The following PTPRT variants were observed in gnomAD, a reference collection of about 807,000 sequenced individuals.
PTPRT encodes the protein receptor-type tyrosine-protein phosphatase T.
Under a neutral mutation model 176.8 loss-of-function variants are expected in PTPRT, and 56 were observed. The observed-to-expected ratio is 0.32, with a 90% CI of 0.26 to 0.40. The LOEUF is 0.40. Ranked by LOEUF, PTPRT falls within the 10% of genes least tolerant of loss-of-function variation. PTPRT has a pLI of 1.00. For missense variants in PTPRT, 1,540 were observed against 1,908.2 expected, an observed-to-expected ratio of 0.81 and a Z score of 3.60; for synonymous variants, 783 against 739.0, an observed-to-expected ratio of 1.06 and a Z score of -0.96.
chr20:43,073,904 C>T (rs2011217456), intron 1 of PTPRT, among the ~76,000 whole-genome samples: 1 of 151,976 alleles, frequency 6.6e-6, no homozygotes, highest in Non-Finnish European at 1.5e-5. Flanking sequence ...GCATATGTCA[C>T]CAGGCCCAGC....
intron 1 of PTPRT, among the ~76,000 whole-genome samples, chr20:43,154,799 A>T (rs1019993611): frequency 6.6e-6 from 1 of 152,188 alleles, no homozygotes; most frequent in African/African-American, 2.4e-5. Context: ...TGCAAACTGT[A>T]CATCTGATAA....
rs1188417348 is a variant in PTPRT, at chr20:42,493,195, T to C, written c.1154-20633A>G. Among the ~76,000 whole-genome samples, 59 of 152,324 alleles carry C rather than the reference T, an allele frequency of 3.9e-4. 1 individual carries two copies. The highest frequency in any genetic ancestry group is 1.9e-4 in the East Asian group (1 of 5,180). On this transcript the variant is annotated intron_variant, in intron 7 of 30. Transcript: ENST00000373187. ...AGTCACAAAGTTCCTGTTTTACAGA[T>C]GAGGAATCCAAGAGTCTAGAAGCAA...
intron 18 of PTPRT, among the ~76,000 whole-genome samples, chr20:42,130,862 A>C (rs894325062): frequency 4.6e-5 from 7 of 152,134 alleles, no homozygotes; most frequent in Admixed American, 2.6e-4. Flanking sequence ...CCTTTATTGG[A>C]TTCATGGTAG....
chr20:42,405,049 G>C (rs977621758), intron 9 of PTPRT, among the ~76,000 whole-genome samples: 3 of 142,500 alleles, frequency 2.1e-5, no homozygotes, highest in African/African-American at 7.8e-5. Context: ...AGAACTTGAA[G>C]TCCTATGAAT....
intron 7 of PTPRT, among the ~76,000 whole-genome samples, chr20:42,495,671 T>C (rs924540749): frequency 3.9e-5 from 6 of 152,192 alleles, no homozygotes; most frequent in African/African-American, 1.4e-4. Flanking sequence ...GAATTTTAGA[T>C]AAGCTATTTA....
At chr20:42,896,070 C>T (rs1271141152) in intron 1 of PTPRT, among the ~76,000 whole-genome samples, 2 of 151,540 alleles carry the variant, frequency 1.3e-5, no homozygotes, top group Non-Finnish European at 2.9e-5. Flanking sequence ...AGAACACTAG[C>T]TCTTTAGATT....
intron 7 of PTPRT, among the ~76,000 whole-genome samples, chr20:42,581,312 G>C (rs1298617434): frequency 1.3e-5 from 2 of 152,122 alleles, no homozygotes; most frequent in Admixed American, 1.3e-4. Flanking sequence ...TCTCTCTGCT[G>C]CGTTTTCTCT....
At chr20:42,602,885 T>C (rs1157612781) in intron 7 of PTPRT, among the ~76,000 whole-genome samples, 1 of 152,170 alleles carries the variant, frequency 6.6e-6, no homozygotes, top group African/African-American at 2.4e-5. Context: ...ATTTGTAAAA[T>C]GGAAATGATA....
chr20:43,093,090 G>A (rs1012163128), intron 1 of PTPRT, among the ~76,000 whole-genome samples: 1 of 152,098 alleles, frequency 6.6e-6, no homozygotes, highest in African/African-American at 2.4e-5. Context: ...ATTATTAGAT[G>A]GTCACTTTTT....
At chr20:42,723,755 C>T (rs775544575) in intron 6 of PTPRT, among the ~76,000 whole-genome samples, 1 of 152,186 alleles carries the variant, frequency 6.6e-6, no homozygotes, top group East Asian at 1.9e-4. Context: ...AGAAGGTACC[C>T]TACCCCAGGA....
intron 1 of PTPRT, among the ~76,000 whole-genome samples, chr20:42,993,850 T>A (rs1007988857): frequency 1.3e-5 from 2 of 151,872 alleles, no homozygotes; most frequent in Non-Finnish European, 2.9e-5. Flanking sequence ...TGCCCTGACA[T>A]CGCTTGTCAC....
intron 6 of PTPRT, among the ~76,000 whole-genome samples, chr20:42,711,771 G>T (rs2076147893): frequency 1.3e-5 from 2 of 151,282 alleles, no homozygotes; most frequent in South Asian, 4.2e-4. Flanking sequence ...GACTTATGGG[G>T]CTGTTTGTTA....
chr20:42,502,273 G>T (rs1385834723), intron 7 of PTPRT, among the ~76,000 whole-genome samples: 2 of 151,860 alleles, frequency 1.3e-5, no homozygotes, highest in African/African-American at 4.8e-5. Context: ...TTCTGTCTAT[G>T]AAACATCTTC....
intron 2 of PTPRT, among the ~76,000 whole-genome samples, chr20:42,808,540 G>A (rs1600769121): frequency 6.6e-6 from 1 of 152,126 alleles, no homozygotes; most frequent in Non-Finnish European, 1.5e-5. Context: ...ACCAAAGCAA[G>A]TCCTTGATAG....
chr20:43,140,340 T>C (rs2013962275), intron 1 of PTPRT, among the ~76,000 whole-genome samples: 2 of 152,248 alleles, frequency 1.3e-5, no homozygotes, highest in Middle Eastern at 3.4e-3. Flanking sequence ...AACATCCCAG[T>C]ACATACATTT....
rs193292191 is a variant in PTPRT at position 42,120,164 on chromosome 20, A to G, written c.2848-193T>C. Among the ~76,000 whole-genome samples, 230 of 151,518 alleles carry G rather than the reference A, an allele frequency of 1.5e-3. 1 individual carries two copies. Among genetic ancestry groups the G allele is most frequent in the Non-Finnish European group, 2.4e-3 (161 of 68,018 alleles). ...AGTGTGTAGTAAGTCACTAAATGCT[A>G]GCTATTTTTATAGTTACTTGTGAGG... is the stretch of plus-strand genomic sequence containing the variant. On this transcript the variant is annotated intron_variant, in intron 19 of 30. Coordinates refer to ENST00000373187, the MANE Select transcript of PTPRT (RefSeq NM_007050.6).
chr20:42,805,212 C>T (rs887552601), intron 2 of PTPRT, among the ~76,000 whole-genome samples: 12 of 152,136 alleles, frequency 7.9e-5, no homozygotes, highest in African/African-American at 2.9e-4. Context: ...GGAAAGACAG[C>T]CACACATGTC....
chr20:42,204,905 G>C (rs986667198), intron 15 of PTPRT, among the ~76,000 whole-genome samples: 1 of 152,036 alleles, frequency 6.6e-6, no homozygotes, highest in Non-Finnish European at 1.5e-5. Flanking sequence ...TCATGCATCT[G>C]ATGGTTGGGT....
At chr20:42,150,230 A>G (rs1217164562) in intron 17 of PTPRT, among the ~76,000 whole-genome samples, 1 of 151,936 alleles carries the variant, frequency 6.6e-6, no homozygotes, top group Non-Finnish European at 1.5e-5. Context: ...TCCCAATTCA[A>G]GGCTGAGGGC....
Sources: gnomAD v4.1 joint callset for allele counts (sites outside exome capture counted in the v4.1 genomes callset) on GRCh38, gnomAD v4.1.1 for gene constraint, MANE v1.5 for transcripts, NCBI Gene and HGNC (gene_info 2026-07-23, HGNC 2026-07-21) for gene names.